Variants in RBFOX1 observed in about 807,000 individuals in gnomAD.
RBFOX1 encodes RNA binding protein fox-1 homolog 1.
A neutral mutation model predicts 57.7 loss-of-function variants in RBFOX1; 8 were observed. That is an observed-to-expected ratio of 0.14 (90% CI 0.08 to 0.25). RBFOX1 has a LOEUF of 0.25. RBFOX1 is among the 10% of genes least tolerant of loss of function. The pLI is 1.00. For synonymous variants in RBFOX1, 326 were observed against 222.4 expected (o/e 1.47, Z -4.15); for missense variants, 611 against 548.5 (o/e 1.11, Z -1.14).
intron 2 of RBFOX1, among the ~76,000 whole-genome samples, chr16:6,636,561 G>A (rs1381749436): frequency 6.6e-6 from 1 of 151,662 alleles, no homozygotes; most frequent in African/African-American, 2.4e-5. Flanking sequence ...CATATCAGAA[G>A]ATTTCTCTTT....
Position 5,821,304 on chromosome 16 carries a change from T to A in RBFOX1, c.319-45999T>A, listed in dbSNP as rs571868640. 1.1e-3 allele frequency among the ~76,000 whole-genome samples: 170 copies of A among 148,340 alleles called. 1 individual carries two copies. Among genetic ancestry groups the A allele is most frequent in the Non-Finnish European group, 1.4e-3 (94 of 66,878 alleles). On this transcript the variant is annotated intron_variant, in intron 3 of 19. Transcript: ENST00000641259. ...TCATTCTCTCTTTTTTTATTTTTTT[T>A]TTTTTTTTTGAGACGGAGTCTTGCT...
At chr16:7,216,428 G>C (rs1227761117) in intron 4 of RBFOX1, among the ~76,000 whole-genome samples, 2 of 152,208 alleles carry the variant, frequency 1.3e-5, no homozygotes, top group Non-Finnish European at 2.9e-5. Flanking sequence ...GCTGAGGGAG[G>C]AGGATTGCTT....
intron 5 of RBFOX1, among the ~76,000 whole-genome samples, chr16:7,537,165 GAAGTGGCAGA>G (rs201488387): frequency 0.015 from 2,242 of 152,318 alleles, 61 homozygotes; most frequent in African/African-American, 0.051. Context: ...ATGGTGTTGG[GAAGTGGCAGA>G]AAGGACTGCC....
At chr16:7,164,330 C>T (rs181862103) in intron 4 of RBFOX1, among the ~76,000 whole-genome samples, 2 of 152,256 alleles carry the variant, frequency 1.3e-5, no homozygotes, top group East Asian at 3.9e-4. Context: ...ATTCCATGGT[C>T]TGTATATACC....
chr16:6,320,999 G>T lies in RBFOX1; in HGVS notation c.-64+3942G>T, dbSNP rs557503904. Among the ~76,000 whole-genome samples, 3 of 152,206 alleles carry T rather than the reference G, an allele frequency of 2.0e-5. No individual in the cohort carries two copies. The South Asian group carries it at 6.2e-4, about 32-fold the overall frequency. ...AGTAGAAATGGGGTTTTGCCATGTT[G>T]GCCAGGCTAGTCTCGAACTCCTGAC... On this transcript the variant is annotated intron_variant, in intron 2 of 15. Coordinates refer to ENST00000550418, the MANE Select transcript of RBFOX1 (RefSeq NM_018723.4).
At chr16:7,160,077 A>G (rs1036554286) in intron 4 of RBFOX1, among the ~76,000 whole-genome samples, 1 of 152,206 alleles carries the variant, frequency 6.6e-6, no homozygotes, top group Non-Finnish European at 1.5e-5. Flanking sequence ...CAAGGGACTC[A>G]TAACAGTATT....
chr16:6,827,606 C>G (rs368892924), intron 3 of RBFOX1, among the ~76,000 whole-genome samples: 1 of 152,164 alleles, frequency 6.6e-6, no homozygotes, highest in Non-Finnish European at 1.5e-5. Flanking sequence ...CAGAGTATCC[C>G]CTGCCAGCCC....
At chr16:6,984,460 T>C (rs189322632) in intron 3 of RBFOX1, among the ~76,000 whole-genome samples, 1 of 152,230 alleles carries the variant, frequency 6.6e-6, no homozygotes, top group East Asian at 1.9e-4. Flanking sequence ...TATATCCCTA[T>C]GGATGAAGCC....
chr16:6,760,584 C>T (rs768237671), intron 3 of RBFOX1, among the ~76,000 whole-genome samples: 1 of 152,150 alleles, frequency 6.6e-6, no homozygotes, highest in Admixed American at 6.5e-5. Flanking sequence ...AGCATTTGAT[C>T]TTGTTTTGCG....
chr16:6,412,005 G>A (rs1170769303), intron 2 of RBFOX1, among the ~76,000 whole-genome samples: 11 of 152,032 alleles, frequency 7.2e-5, no homozygotes, highest in Middle Eastern at 3.4e-3. Context: ...AGTGGCAGGC[G>A]CCTGTAATCC....
At chr16:5,998,878 A>G (rs1348618906) in intron 4 of RBFOX1, among the ~76,000 whole-genome samples, 1 of 152,180 alleles carries the variant, frequency 6.6e-6, no homozygotes, top group East Asian at 1.9e-4. Flanking sequence ...TCCAAATGGC[A>G]TCTCCTTGTG....
At chr16:6,798,290 A>G (rs1429707402) in intron 3 of RBFOX1, among the ~76,000 whole-genome samples, 1 of 152,114 alleles carries the variant, frequency 6.6e-6, no homozygotes, top group Non-Finnish European at 1.5e-5. Context: ...ATCTGCATAG[A>G]TTGTATCTAG....
intron 1 of RBFOX1, among the ~76,000 whole-genome samples, chr16:6,207,636 C>T (rs1233263783): frequency 6.6e-6 from 1 of 152,092 alleles, no homozygotes; most frequent in Non-Finnish European, 1.5e-5. Flanking sequence ...AATAATAATG[C>T]CCTTCCCATT....
At chr16:6,817,936 C>G (rs893188890) in intron 3 of RBFOX1, among the ~76,000 whole-genome samples, 1 of 152,138 alleles carries the variant, frequency 6.6e-6, no homozygotes, top group Admixed American at 6.5e-5. Context: ...TACTGTGTCT[C>G]TCTGTTGGGC....
intron 4 of RBFOX1, among the ~76,000 whole-genome samples, chr16:7,178,265 C>G (rs747514484): frequency 2.0e-5 from 3 of 152,224 alleles, no homozygotes; most frequent in Non-Finnish European, 2.9e-5. Context: ...CAGCCTGTCG[C>G]TTTAGTTTCT....
At chr16:5,509,287 T>C (rs1472679079) in intron 2 of RBFOX1, among the ~76,000 whole-genome samples, 2 of 152,158 alleles carry the variant, frequency 1.3e-5, no homozygotes, top group Non-Finnish European at 2.9e-5. Context: ...GGCAAATCCA[T>C]GCAGGTGAAA....
intron 2 of RBFOX1, among the ~76,000 whole-genome samples, chr16:5,538,980 A>G (rs1246914394): frequency 6.6e-6 from 1 of 152,218 alleles, no homozygotes; most frequent in East Asian, 1.9e-4. Context: ...AACCCATAGC[A>G]GCACGGCTCC....
intron 1 of RBFOX1, among the ~76,000 whole-genome samples, chr16:6,304,417 C>T (rs549020093): frequency 1.6e-4 from 24 of 152,246 alleles, no homozygotes; most frequent in Admixed American, 4.6e-4. Context: ...ATCCCTCCTC[C>T]GTCTCACCTC....
intron 1 of RBFOX1, among the ~76,000 whole-genome samples, chr16:5,299,584 A>G (rs977220570): frequency 6.6e-6 from 1 of 152,206 alleles, no homozygotes; most frequent in Non-Finnish European, 1.5e-5. Context: ...GTTCTCACCA[A>G]CATCTGCCCT....
Sources: gnomAD v4.1 joint callset for allele counts (sites outside exome capture counted in the v4.1 genomes callset) on GRCh38, gnomAD v4.1.1 for gene constraint, MANE v1.5 for transcripts, NCBI Gene and HGNC (gene_info 2026-07-23, HGNC 2026-07-21) for gene names.